Variants in PAX8 observed in about 807,000 individuals in gnomAD.
PAX8 encodes paired box protein Pax-8.
Under a neutral mutation model 52.4 loss-of-function variants are expected in PAX8, and 15 were observed. The ratio of observed to expected loss-of-function variants is 0.29; its 90% confidence interval spans 0.19 to 0.44. The LOEUF is 0.44. Ranked by LOEUF, PAX8 falls within the 20% of genes least tolerant of loss-of-function variation. PAX8 has a pLI of 1.00. For synonymous variants in PAX8, 284 were observed against 249.7 expected (o/e 1.14, Z -1.29); for missense variants, 554 against 602.5 (o/e 0.92, Z 0.84).
chr2:113,235,326 G>T, intron 9 of PAX8, 68 bp downstream of exon 9: 1 of 1,353,850 alleles, frequency 7.4e-7, no homozygotes, highest in Non-Finnish European at 1.0e-6. Context: ...GGGGCTGGCG[G>T]TCTGCCCTGA....
At chr2:113,246,135 C>T (rs956635500) in intron 3 of PAX8, among the ~76,000 whole-genome samples, 1 of 152,230 alleles carries the variant, frequency 6.6e-6, no homozygotes, top group African/African-American at 2.4e-5. Flanking sequence ...ATTAGAGTCA[C>T]TTGCTGGGGG....
At chr2:113,243,222 T>C (rs188580611) in intron 4 of PAX8, among the ~76,000 whole-genome samples, 2 of 152,308 alleles carry the variant, frequency 1.3e-5, no homozygotes, top group East Asian at 1.9e-4. Flanking sequence ...GAGTGGACTT[T>C]CTGAAATGCA....
At chr2:113,251,476 T>TG (rs1000143629) in intron 2 of PAX8, among the ~76,000 whole-genome samples, 2 of 145,528 alleles carry the variant, frequency 1.4e-5, no homozygotes, top group Admixed American at 1.4e-4. Context: ...GGGGTGGGTA[T>TG]GGGGGAGGAA....
At chr2:113,265,002 T>C (rs974892827) in intron 2 of PAX8, among the ~76,000 whole-genome samples, 5 of 152,216 alleles carry the variant, frequency 3.3e-5, no homozygotes, top group Admixed American at 3.3e-4. Flanking sequence ...CATCAGCAGT[T>C]TGCCTGAAAA....
intron 2 of PAX8, among the ~76,000 whole-genome samples, chr2:113,247,688 C>G (rs762636282): frequency 4.6e-5 from 7 of 152,210 alleles, no homozygotes; most frequent in Non-Finnish European, 1.0e-4. Context: ...TTGGCCTCTG[C>G]TCTCTGGCCC....
intron 2 of PAX8, among the ~76,000 whole-genome samples, chr2:113,248,450 G>A (rs1282654472): frequency 6.6e-6 from 1 of 152,242 alleles, no homozygotes; most frequent in African/African-American, 2.4e-5. Flanking sequence ...GCCCTGCAGT[G>A]TGGGAGTCAG....
intron 2 of PAX8, chr2:113,276,678 C>G (rs899892677): frequency 6.8e-6 from 1 of 147,204 alleles, no homozygotes; most frequent in Non-Finnish European, 1.5e-5. Flanking sequence ...AAAAAAAGCT[C>G]ATCTGAGGGA....
chr2:113,254,816 A>G (rs112768714), intron 2 of PAX8, among the ~76,000 whole-genome samples: 7,282 of 152,146 alleles, frequency 0.048, 253 homozygotes, highest in African/African-American at 0.099. Context: ...TGTGTCCTCC[A>G]TGCCTGGAGT....
At chr2:113,228,046 A>G (rs1365691642) in intron 9 of PAX8, among the ~76,000 whole-genome samples, 1 of 152,172 alleles carries the variant, frequency 6.6e-6, no homozygotes, top group South Asian at 2.1e-4. Flanking sequence ...CCTTGGTGAT[A>G]CCAAATCAGC....
chr2:113,244,344 A>G lies in PAX8; in HGVS notation c.389+83T>C, dbSNP rs13007173. ...CCCTTCCCGGCCTCTGCTCCACCCA[A>G]GCCAGGCCTTTCTTGTCTCTTTCCT... On this transcript the variant is annotated intron_variant, in intron 4 of 11. Transcript: ENST00000429538. The G allele has an allele frequency of 0.087, 93,485 of 1,073,046 alleles. 4,957 individuals carry two copies. The highest frequency in any genetic ancestry group is 0.11 in the Middle Eastern group (388 of 3,638). 66.5% of individuals were successfully genotyped at this position (1,073,046 alleles called of 1,614,324 possible).
intron 2 of PAX8, among the ~76,000 whole-genome samples, chr2:113,250,123 C>T (rs1360444926): frequency 1.3e-5 from 2 of 151,810 alleles, no homozygotes; most frequent in Non-Finnish European, 2.9e-5. Flanking sequence ...AAAAATTAGC[C>T]GGGCATGGTG....
intron 2 of PAX8, among the ~76,000 whole-genome samples, chr2:113,265,314 T>C (rs567534457): frequency 9.3e-4 from 141 of 152,310 alleles, no homozygotes; most frequent in African/African-American, 3.1e-3. Context: ...GGAAGTTTCA[T>C]GCACAAGTGA....
In PAX8 at chr2:113,235,457, A is replaced by C. The variant is rs779098542; in HGVS notation, c.1024T>G (p.Phe342Val). Residue 342 changes from phenylalanine to valine, a missense_variant, in exon 9 of 12, where the codon TTC becomes GTC. By Grantham distance (50) the Phe-to-Val change is conservative. This residue lies in a region of PAX8 where 445 missense variants were observed against 409.9 expected (regional missense o/e 1.09). Coordinates refer to ENST00000429538, the MANE Select transcript of PAX8 (RefSeq NM_003466.4). The part of the protein sequence containing the change: ...LQQVGSGVPP[F>V]NAFPHAASVY... ...GAGGCAGCATGGGGAAAGGCATTGA[A>C]GGGCGGGACCCCGGAGCCGACTTGC... 1 of 1,611,684 alleles carries C rather than the reference A, an allele frequency of 6.2e-7. No homozygotes were observed. Among genetic ancestry groups the C allele is most frequent in the Non-Finnish European group, 8.5e-7 (1 of 1,178,876 alleles).
In PAX8 at chr2:113,278,357, A is replaced by T; in HGVS notation, c.25+13T>A. The T allele has an allele frequency of 6.3e-7, 1 of 1,591,088 alleles. No homozygotes were observed. Among genetic ancestry groups the T allele is most frequent in the Non-Finnish European group, 8.6e-7 (1 of 1,161,706 alleles). On this transcript the variant is annotated intron_variant, in intron 2 of 11. Transcript: ENST00000429538. ...GCGGGGGCTCGGGGATCCTGACCAC[A>T]CCGCGTTCTTACCAGATCTGATGGA... is the stretch of plus-strand genomic sequence containing the variant.
chr2:113,243,730 C>A (rs1385388588), intron 4 of PAX8, among the ~76,000 whole-genome samples: 1 of 152,176 alleles, frequency 6.6e-6, no homozygotes, highest in East Asian at 1.9e-4. Flanking sequence ...AGCCACAGGG[C>A]CTTTGCATAA....
At chr2:113,230,926 G>A (rs10175468) in intron 9 of PAX8, among the ~76,000 whole-genome samples, 3,022 of 152,264 alleles carry the variant, frequency 0.02, 112 homozygotes, top group African/African-American at 0.069. Context: ...GAAGTTGACA[G>A]AAAGCATAGG....
intron 11 of PAX8, 52 bp from the exon 12 acceptor site, chr2:113,218,661 T>C: frequency 1.7e-6 from 2 of 1,208,326 alleles, no homozygotes; most frequent in South Asian, 1.3e-5. Flanking sequence ...GAAAGGAAAA[T>C]TGCACCATAG....
chr2:113,241,703 T>A lies in PAX8; in HGVS notation c.625A>T (p.Ser209Cys). 1 of 1,614,098 alleles carries A rather than the reference T, an allele frequency of 6.2e-7. No individual in the cohort carries two copies. The highest frequency in any genetic ancestry group is 8.5e-7 in the Non-Finnish European group (1 of 1,180,020). The change falls in exon 7 of 12, where the codon AGC (serine) becomes TGC (cysteine). Residue 209 changes from serine to cysteine, a missense_variant. Physicochemically the swap from Ser to Cys is moderately radical, Grantham distance 112. This residue lies in a region of PAX8 where 445 missense variants were observed against 409.9 expected (regional missense o/e 1.09). Coordinates refer to ENST00000429538, the MANE Select transcript of PAX8 (RefSeq NM_003466.4). ...DDSDQDSCRL[S>C]IDSQSSSSGP... ...CTGCTGCTGCTCTGTGAGTCAATGC[T>A]TAGTCGGCAGCTATCCTGATCACCT...
At position 113,244,615 on chromosome 2, in the gene PAX8, C is replaced by T. The variant is rs762303544; in HGVS notation, c.201G>A (p.Glu67=). ...CVSKILGRYY[E]TGSIRPGVIG... is the part of the protein sequence containing the mutation. ...TCACTCCAGGCCGGATGCTGCCAGT[C>T]TCGTAGTACCTACTCCAATAGAGAA... is the stretch of plus-strand genomic sequence containing the variant. Residue 67 remains glutamate (E), a synonymous_variant, in exon 4 of 12, where the codon GAG becomes GAA. Transcript: ENST00000429538. 3 of 1,614,118 alleles carry T rather than the reference C, an allele frequency of 1.9e-6. No individual in the cohort carries two copies.
Sources: gnomAD v4.1 joint callset for allele counts (sites outside exome capture counted in the v4.1 genomes callset) on GRCh38, gnomAD v4.1.1 for gene constraint, gnomAD v4.1.1 regional missense constraint, MANE v1.5 for transcripts, NCBI Gene and HGNC (gene_info 2026-07-23, HGNC 2026-07-21) for gene names.